The following MYO10 variants were observed in gnomAD, a reference collection of about 807,000 sequenced individuals.
MYO10 encodes unconventional myosin-X.
In MYO10, 133 loss-of-function variants were observed where a neutral mutation model predicts 257.3. That is an observed-to-expected ratio of 0.52 (90% CI 0.45 to 0.60). The LOEUF (loss-of-function observed/expected upper bound fraction) is 0.60, where lower values mean the gene tolerates loss of function less well. Among genes scored for constraint, MYO10 ranks in the 20% least tolerant of loss-of-function variants. MYO10 has a pLI of 0.00. For synonymous variants in MYO10, 1,104 were observed against 1,028.6 expected, an observed-to-expected ratio of 1.07 and a Z score of -1.40; for missense variants, 2,399 against 2,635.7, an observed-to-expected ratio of 0.91 and a Z score of 1.97.
Position 16,685,740 on chromosome 5 carries a change from C to T in MYO10, c.3988G>A (p.Val1330Met). ...CATCCCACACAGTGCTCCCGTACCA[C>T]AGCATTCTGTGGGTTTGCCTGCTCA... is the stretch of plus-strand genomic sequence containing the variant. Reference protein sequence around the residue: ...HDEQANPQNAVGTLDVGLIDS... With the variant: ...HDEQANPQNAMGTLDVGLIDS... Residue 1330 changes from valine (V) to methionine (M), a missense_variant and splice_region_variant, in exon 29 of 41, where the codon GTG becomes ATG. Coordinates refer to ENST00000513610, the MANE Select transcript of MYO10 (RefSeq NM_012334.3). 3 of 1,590,300 alleles carry T rather than the reference C, an allele frequency of 1.9e-6. No homozygotes were observed. The highest frequency in any genetic ancestry group is 2.6e-6 in the Non-Finnish European group (3 of 1,168,324).
chr5:16,802,655 TAA>T (rs372258804), intron 3 of MYO10, among the ~76,000 whole-genome samples: 19 of 100,964 alleles, frequency 1.9e-4, no homozygotes, highest in African/African-American at 1.3e-4. Context: ...AGACTGTCTC[TAA>T]AAAAAAAAAA....
intron 1 of MYO10, among the ~76,000 whole-genome samples, chr5:16,884,470 T>C (rs1424357896): frequency 6.6e-6 from 1 of 152,234 alleles, no homozygotes; most frequent in Non-Finnish European, 1.5e-5. Context: ...TATTTAAATC[T>C]GCAGTAAATT....
At chr5:16,759,021 A>C (rs549481522) in intron 17 of MYO10, among the ~76,000 whole-genome samples, 4 of 152,052 alleles carry the variant, frequency 2.6e-5, no homozygotes, top group African/African-American at 9.6e-5. Flanking sequence ...TCCCGGGTTC[A>C]AGCGATTCTC....
chr5:16,742,918 C>T (rs1288116954), intron 19 of MYO10, among the ~76,000 whole-genome samples: 1 of 151,556 alleles, frequency 6.6e-6, no homozygotes, highest in Non-Finnish European at 1.5e-5. Context: ...GTCGGGAGTT[C>T]GAGACTAGCC....
chr5:16,858,834 CG>C (rs1561022741), intron 2 of MYO10, among the ~76,000 whole-genome samples: 1 of 151,876 alleles, frequency 6.6e-6, no homozygotes. Flanking sequence ...GGCATGTGCC[CG>C]TAATCCCAGC....
chr5:16,745,732 G>C (rs148079709), intron 19 of MYO10, among the ~76,000 whole-genome samples: 2 of 152,214 alleles, frequency 1.3e-5, no homozygotes, highest in East Asian at 3.9e-4. Flanking sequence ...AAAGCACCTG[G>C]CTACCTTTAA....
At chr5:16,812,812 C>T (rs1257099496) in intron 3 of MYO10, among the ~76,000 whole-genome samples, 3 of 152,034 alleles carry the variant, frequency 2.0e-5, no homozygotes, top group Admixed American at 6.6e-5. Flanking sequence ...TTTGAAAACA[C>T]GTTTATTTTA....
At position 16,758,105 on chromosome 5, in the gene MYO10, A is replaced by C. The variant is rs1261384648; in HGVS notation, c.1848+13T>G. The stretch of plus-strand genomic sequence containing the variant: ...TAACGACGGATTCCTCTAAGCCAGC[A>C]GTGAAAACGAACCTTGAACTGTGAG... On this transcript the variant is annotated intron_variant, in intron 18 of 40. Coordinates refer to ENST00000513610, the MANE Select transcript of MYO10 (RefSeq NM_012334.3). The C allele has an allele frequency of 1.9e-6, 3 of 1,563,248 alleles. No homozygotes were observed. The highest frequency in any genetic ancestry group is 2.6e-6 in the Non-Finnish European group (3 of 1,133,870).
chr5:16,671,049 C>T, intron 38 of MYO10, 71 bp from the exon 39 acceptor site: 1 of 1,353,898 alleles, frequency 7.4e-7, no homozygotes, highest in Non-Finnish European at 1.0e-6. Flanking sequence ...GTCGCTTGCT[C>T]CCTCACTTCA....
At position 16,877,626 on chromosome 5, in the gene MYO10, G is replaced by A. The variant is rs374770501; in HGVS notation, c.103C>T (p.Arg35Trp). ...GTTCTCACCTGACCATAGTCTGTCCGGAAGACGACGATGCCTTCTGCACAG... is the reference window on the plus strand; with the variant it reads ...GTTCTCACCTGACCATAGTCTGTCCAGAAGACGACGATGCCTTCTGCACAG... ...NSCAEGIVVF[R>W]TDYGQVFTYK... The change falls in exon 2 of 41, where the codon CGG (arginine) becomes TGG (tryptophan). Residue 35 changes from arginine to tryptophan, a missense_variant. Physicochemically the swap from Arg to Trp is moderately radical, Grantham distance 101 (BLOSUM62 -3). Around this residue, in one of 3 missense-constraint regions of MYO10, gnomAD observed 242 missense variants for 249.5 expected, o/e 0.97. Coordinates refer to ENST00000513610, the MANE Select transcript of MYO10 (RefSeq NM_012334.3). 2.9e-5 allele frequency: 47 copies of A among 1,613,234 alleles called. No homozygotes were observed. Among genetic ancestry groups the A allele is most frequent in the Middle Eastern group, 1.6e-4 (1 of 6,082 alleles).
rs1020868035 is a variant in MYO10 at position 16,704,181 on chromosome 5, C to G, written c.2276+398G>C. On this transcript the variant is annotated intron_variant, in intron 22 of 40. Transcript: ENST00000513610. ...AAAAAAAAATTTTTTTTTAATTAGCCAGGCATGGTGGTGTGTGTCTGTAGT... is the reference window on the plus strand; with the variant it reads ...AAAAAAAAATTTTTTTTTAATTAGCGAGGCATGGTGGTGTGTGTCTGTAGT... Among the ~76,000 whole-genome samples the G allele has an allele frequency of 5.5e-4, 84 of 151,802 alleles. 2 individuals carry two copies. Among genetic ancestry groups the G allele is most frequent in the African/African-American group, 2.0e-3 (83 of 41,296 alleles).
intron 2 of MYO10, among the ~76,000 whole-genome samples, chr5:16,842,995 A>T (rs192617864): frequency 2.6e-5 from 4 of 151,586 alleles, no homozygotes; most frequent in Non-Finnish European, 4.4e-5. Flanking sequence ...CCTACTTGAC[A>T]CCCGTTGGCT....
chr5:16,933,632 A>G (rs925231209), intron 1 of MYO10, among the ~76,000 whole-genome samples: 5 of 152,236 alleles, frequency 3.3e-5, no homozygotes, highest in Non-Finnish European at 7.3e-5. Flanking sequence ...TTTCTATTCT[A>G]ACAGGACATT....
Position 16,665,907 on chromosome 5 carries a change from A to T in MYO10, c.*785T>A, listed in dbSNP as rs1736143592. On this transcript the variant is annotated 3_prime_UTR_variant, in exon 41 of 41. Coordinates refer to ENST00000513610, the MANE Select transcript of MYO10 (RefSeq NM_012334.3). ...ATGGAGTCAACACGTGTTTTTCAAAATACAGCAAAGACAGGAAAATCCAGG... is the reference window on the plus strand; with the variant it reads ...ATGGAGTCAACACGTGTTTTTCAAATTACAGCAAAGACAGGAAAATCCAGG... The T allele has an allele frequency of 1.3e-5, 2 of 152,794 alleles. No individual in the cohort carries two copies. Among genetic ancestry groups the T allele is most frequent in the South Asian group, 4.1e-4 (2 of 4,830 alleles). 9.5% of individuals were successfully genotyped at this position (152,794 alleles called of 1,614,324 possible).
At chr5:16,914,774 G>GT (rs1745769314) in intron 1 of MYO10, among the ~76,000 whole-genome samples, 1 of 152,166 alleles carries the variant, frequency 6.6e-6, no homozygotes, top group African/African-American at 2.4e-5. Flanking sequence ...CCACCTGGCC[G>GT]TGAGAGCAGT....
intron 19 of MYO10, among the ~76,000 whole-genome samples, chr5:16,716,837 T>A (rs1023842527): frequency 6.6e-6 from 1 of 152,042 alleles, no homozygotes; most frequent in African/African-American, 2.4e-5. Flanking sequence ...ACCGGTTATT[T>A]TTTTTATTTT....
In MYO10 at chr5:16,758,054, C is replaced by T. The variant is rs192209124; in HGVS notation, c.1848+64G>A. On this transcript the variant is annotated intron_variant, in intron 18 of 40. Coordinates refer to ENST00000513610, the MANE Select transcript of MYO10 (RefSeq NM_012334.3). Reference sequence around the variant, plus strand: ...TCATAGACTTCACATACACCCAAATCCTCTTTTCAGTTCTTAAAAATACAG... The same window carrying T: ...TCATAGACTTCACATACACCCAAATTCTCTTTTCAGTTCTTAAAAATACAG... The T allele has an allele frequency of 4.6e-4, 576 of 1,246,234 alleles. 3 individuals carry two copies. In the African/African-American group the frequency reaches 7.7e-3, roughly 17 times the overall value. 77.2% of individuals were successfully genotyped at this position (1,246,234 alleles called of 1,614,324 possible).
chr5:16,814,871 A>G (rs1742556528), intron 3 of MYO10: 1 of 152,286 alleles, frequency 6.6e-6, no homozygotes, highest in Non-Finnish European at 1.5e-5. Context: ...GATCTTATTC[A>G]TAGTATGTAT....
chr5:16,893,633 C>CAAAAA (rs58021066), intron 1 of MYO10, among the ~76,000 whole-genome samples: 2,476 of 56,944 alleles, frequency 0.043, 153 homozygotes, highest in African/African-American at 0.15. Flanking sequence ...GACTCTGTCT[C>CAAAAA]AAAAAAAAAA....
Sources: gnomAD v4.1 joint callset for allele counts (sites outside exome capture counted in the v4.1 genomes callset) on GRCh38, gnomAD v4.1.1 for gene constraint, gnomAD v4.1.1 regional missense constraint, MANE v1.5 for transcripts, NCBI Gene and HGNC (gene_info 2026-07-23, HGNC 2026-07-21) for gene names.